The following PCDH15 variants were observed in gnomAD, a reference collection of about 807,000 sequenced individuals.
PCDH15 encodes the protein protocadherin-15.
PCDH15 carries 129 observed loss-of-function variants against 178.5 expected under a neutral mutation model. The ratio of observed to expected loss-of-function variants is 0.72; its 90% CI spans 0.63 to 0.84. The LOEUF (loss-of-function observed/expected upper bound fraction) is 0.84, where lower values mean the gene tolerates loss of function less well. PCDH15 is among the 40% of genes least tolerant of loss of function. The pLI, the probability that PCDH15 is intolerant of heterozygous loss-of-function variation, is 0.00. For synonymous variants in PCDH15, 800 were observed against 732.0 expected (o/e 1.09, Z -1.50); for missense variants, 2,230 against 2,099.9 (o/e 1.06, Z -1.21).
At chr10:54,378,269 A>T (rs1261881839) in intron 4 of PCDH15, among the ~76,000 whole-genome samples, 1 of 152,020 alleles carries the variant, frequency 6.6e-6, no homozygotes, top group Non-Finnish European at 1.5e-5. Flanking sequence ...ATGCTATCTG[A>T]GAACTACTTG....
intron 2 of PCDH15, among the ~76,000 whole-genome samples, chr10:55,056,195 A>T (rs1841296820): frequency 6.6e-6 from 1 of 152,154 alleles, no homozygotes; most frequent in South Asian, 2.1e-4. Context: ...TTCCACTGTA[A>T]TCAGAAAAGA....
At chr10:53,959,644 TA>T in intron 23 of PCDH15, 87 bp downstream of exon 23, 1 of 1,011,524 alleles carries the variant, frequency 9.9e-7, no homozygotes, top group South Asian at 1.4e-5. Context: ...AGTCTACTCA[TA>T]AATTCATATT....
At chr10:55,464,130 G>A (rs1207157995) in intron 2 of PCDH15, among the ~76,000 whole-genome samples, 4 of 151,974 alleles carry the variant, frequency 2.6e-5, no homozygotes, top group African/African-American at 7.2e-5. Flanking sequence ...TCTCCCTACC[G>A]GGAGTCGGAT....
intron 35 of PCDH15, among the ~76,000 whole-genome samples, chr10:53,813,350 G>A (rs1338200796): frequency 3.3e-5 from 5 of 151,942 alleles, no homozygotes; most frequent in South Asian, 2.1e-4. Flanking sequence ...TAATTTTGCC[G>A]TTTACAAATA....
intron 1 of PCDH15, among the ~76,000 whole-genome samples, chr10:54,777,650 GTTC>G (rs1253073199): frequency 6.6e-6 from 1 of 151,852 alleles, no homozygotes; most frequent in Non-Finnish European, 1.5e-5. Flanking sequence ...CTGTTTCAAA[GTTC>G]TTTTTTTTTC....
chr10:54,301,113 C>CTTAA (rs371762748), intron 8 of PCDH15, among the ~76,000 whole-genome samples: 39,081 of 151,834 alleles, frequency 0.26, 6,282 homozygotes, highest in Middle Eastern at 0.38. Flanking sequence ...GAAGAAACTC[C>CTTAA]AGACAGACCA....
At chr10:53,821,588 TAA>T (rs886047056) in intron 32 of PCDH15, 36 of 1,170,660 alleles carry the variant, frequency 3.1e-5, no homozygotes, top group Non-Finnish European at 3.8e-5. Flanking sequence ...ATATTCCCAC[TAA>T]AAAAGAGATT....
At chr10:54,175,709 C>G (rs1417485868) in intron 13 of PCDH15, among the ~76,000 whole-genome samples, 2 of 152,150 alleles carry the variant, frequency 1.3e-5, no homozygotes, top group Non-Finnish European at 2.9e-5. Flanking sequence ...ATTCTATTGT[C>G]TTTAAATTGG....
chr10:54,673,723 C>T (rs2094723750), intron 1 of PCDH15, among the ~76,000 whole-genome samples: 2 of 152,124 alleles, frequency 1.3e-5, no homozygotes, highest in African/African-American at 4.8e-5. Context: ...CAGGTGTGAG[C>T]CACTGTGCCC....
At chr10:54,971,476 C>A (rs1838929158) in intron 2 of PCDH15, among the ~76,000 whole-genome samples, 1 of 152,144 alleles carries the variant, frequency 6.6e-6, no homozygotes, top group African/African-American at 2.4e-5. Context: ...GTCTCCAGAA[C>A]AGTAAGAAAT....
At chr10:55,494,242 A>G (rs1369077649) in intron 2 of PCDH15, among the ~76,000 whole-genome samples, 1 of 151,768 alleles carries the variant, frequency 6.6e-6, no homozygotes, top group Admixed American at 6.6e-5. Flanking sequence ...TTATTGAATA[A>G]TTGTTTCTTT....
chr10:55,258,151 G>C (rs993399756), intron 1 of PCDH15, among the ~76,000 whole-genome samples: 20 of 152,116 alleles, frequency 1.3e-4, no homozygotes, highest in Non-Finnish European at 2.2e-4. Context: ...CTTATCATTG[G>C]AATTTGCTAT....
chr10:55,366,922 C>CGTGTGTGTGTGTGT (rs34339947), intron 2 of PCDH15, among the ~76,000 whole-genome samples: 7 of 150,078 alleles, frequency 4.7e-5, no homozygotes, highest in African/African-American at 1.7e-4. Flanking sequence ...CATTTGTTTG[C>CGTGTGTGTGTGTGT]GTGTGTGTGT....
rs74136220 is a variant in PCDH15, at chr10:54,600,622, C to T, written c.91+63550G>A. ...ACCTTTGAGGAGAAACCAGTGTCTA[C>T]TAAAAAGGTAGAAAATGTCACTTCA... On this transcript the variant is annotated intron_variant, in intron 2 of 37. Coordinates refer to ENST00000644397, the MANE Select transcript of PCDH15 (RefSeq NM_001384140.1). 8.1e-3 allele frequency: 4,719 copies of T among 581,742 alleles called. 154 individuals carry two copies. Among genetic ancestry groups the T allele is most frequent in the African/African-American group, 0.08 (4,219 of 52,804 alleles). 36.0% of individuals were successfully genotyped at this position (581,742 alleles called of 1,614,324 possible). A position where few individuals can be genotyped will look rare whatever the true frequency, so the allele number is the denominator to read the frequency against.
chr10:54,895,636 A>G (rs1486535394), intron 3 of PCDH15, among the ~76,000 whole-genome samples: 4 of 152,186 alleles, frequency 2.6e-5, no homozygotes, highest in Non-Finnish European at 5.9e-5. Flanking sequence ...AAAAGAGGCA[A>G]GAAATTTCCT....
intron 2 of PCDH15, among the ~76,000 whole-genome samples, chr10:54,970,068 G>A (rs903588667): frequency 2.0e-5 from 3 of 152,104 alleles, no homozygotes; most frequent in Non-Finnish European, 4.4e-5. Context: ...AGGCCAGGAG[G>A]GCTTTGTCCT....
chr10:54,828,637 T>A (rs530047518), intron 3 of PCDH15, among the ~76,000 whole-genome samples: 4 of 152,076 alleles, frequency 2.6e-5, no homozygotes, highest in Non-Finnish European at 4.4e-5. Context: ...AATTATTTCA[T>A]TCATTACTTT....
chr10:54,809,562 C>T (rs1952831505), intron 3 of PCDH15, among the ~76,000 whole-genome samples: 2 of 152,120 alleles, frequency 1.3e-5, no homozygotes, highest in Non-Finnish European at 2.9e-5. Flanking sequence ...ACTATGTATA[C>T]ATTGTATTAT....
At chr10:55,275,548 A>T (rs1348911521) in intron 1 of PCDH15, among the ~76,000 whole-genome samples, 4 of 151,814 alleles carry the variant, frequency 2.6e-5, no homozygotes, top group Non-Finnish European at 4.4e-5. Flanking sequence ...GATCTACACG[A>T]TCTCTATCAT....
Sources: gnomAD v4.1 joint callset for allele counts (sites outside exome capture counted in the v4.1 genomes callset) on GRCh38, gnomAD v4.1.1 for gene constraint, MANE v1.5 for transcripts, NCBI Gene and HGNC (gene_info 2026-07-23, HGNC 2026-07-21) for gene names.